The following TBC1D5 variants were observed in gnomAD, a reference collection of about 807,000 sequenced individuals.
TBC1D5 encodes TBC1 domain family member 5.
TBC1D5 carries 75 observed loss-of-function variants against 100.3 expected under a neutral mutation model. The ratio of observed to expected loss-of-function variants is 0.75; its 90% CI spans 0.62 to 0.91. The LOEUF (loss-of-function observed/expected upper bound fraction) is 0.91, where lower values mean the gene tolerates loss of function less well. TBC1D5 is among the 40% of genes least tolerant of loss of function. The pLI is 0.00. For synonymous variants in TBC1D5, 323 were observed against 325.6 expected (o/e 0.99, Z 0.09); for missense variants, 910 against 942.4 (o/e 0.97, Z 0.45).
chr3:17,258,415 G>C, intron 16 of TBC1D5, 91 bp downstream of exon 16: 1 of 1,270,714 alleles, frequency 7.9e-7, no homozygotes, highest in East Asian at 2.3e-5. Context: ...CTAAAATCTG[G>C]AAAATTGTTT....
At chr3:17,648,693 G>T (rs1014682503) in intron 1 of TBC1D5, among the ~76,000 whole-genome samples, 4 of 152,110 alleles carry the variant, frequency 2.6e-5, no homozygotes, top group African/African-American at 7.2e-5. Flanking sequence ...CTTCTCAAAA[G>T]AAGACATACA....
intron 1 of TBC1D5, among the ~76,000 whole-genome samples, chr3:17,726,315 T>C (rs1185938010): frequency 6.6e-6 from 1 of 152,238 alleles, no homozygotes; most frequent in Admixed American, 6.5e-5. Flanking sequence ...CTAAACTAAT[T>C]TACATTCCCA....
chr3:17,521,223 C>T (rs779449175), intron 2 of TBC1D5, among the ~76,000 whole-genome samples: 2 of 152,156 alleles, frequency 1.3e-5, no homozygotes, highest in Non-Finnish European at 2.9e-5. Context: ...CCTTGAACAA[C>T]ATGGGTTTGA....
At position 17,438,430 on chromosome 3, in the gene TBC1D5, G is replaced by T. The variant is rs568938153; in HGVS notation, c.98-9911C>A. 3.3e-5 allele frequency among the ~76,000 whole-genome samples: 5 copies of T among 152,232 alleles called. No individual in the cohort carries two copies. In the East Asian group the frequency reaches 9.6e-4, roughly 29 times the overall value. The stretch of plus-strand genomic sequence containing the variant: ...CCAGGTGGAGATTACTGAATCATGG[G>T]GGTGGTTTTCCCCATCCTCTTCTCA... On this transcript the variant is annotated intron_variant, in intron 3 of 21. Transcript: ENST00000253692.
At chr3:17,591,260 A>AAAAAAAC (rs1576889402) in intron 2 of TBC1D5, among the ~76,000 whole-genome samples, 2 of 116,984 alleles carry the variant, frequency 1.7e-5, no homozygotes, top group Non-Finnish European at 3.6e-5. Flanking sequence ...AAAAAAAAAA[A>AAAAAAAC]AAAAAACAAA....
chr3:17,227,711 G>T (rs1001818212), intron 17 of TBC1D5, among the ~76,000 whole-genome samples: 2 of 151,914 alleles, frequency 1.3e-5, no homozygotes, highest in Non-Finnish European at 2.9e-5. Flanking sequence ...GTGGAGGGTG[G>T]GAGGAGGGAG....
chr3:17,721,007 T>C (rs2075653942), intron 1 of TBC1D5, among the ~76,000 whole-genome samples: 1 of 151,846 alleles, frequency 6.6e-6, no homozygotes, highest in African/African-American at 2.4e-5. Context: ...GCCTGAGTAA[T>C]TTTTGTATTT....
intron 13 of TBC1D5, among the ~76,000 whole-genome samples, chr3:17,332,814 G>C (rs2087058705): frequency 1.3e-5 from 2 of 152,146 alleles, no homozygotes; most frequent in African/African-American, 4.8e-5. Flanking sequence ...AATGAATGTG[G>C]TTAGGTGGAG....
chr3:17,612,903 T>A (rs2061797989), intron 2 of TBC1D5, among the ~76,000 whole-genome samples: 1 of 151,442 alleles, frequency 6.6e-6, no homozygotes, highest in African/African-American at 2.4e-5. Flanking sequence ...TTTTTTTTTT[T>A]TATTAAAGTT....
intron 2 of TBC1D5, among the ~76,000 whole-genome samples, chr3:17,606,723 T>C (rs191804513): frequency 4.9e-4 from 75 of 152,270 alleles, no homozygotes; most frequent in Middle Eastern, 3.4e-3. Flanking sequence ...TCATGGGTTT[T>C]TAAAATTGTT....
chr3:17,452,270 G>A (rs1366839022), intron 3 of TBC1D5, among the ~76,000 whole-genome samples: 1 of 151,856 alleles, frequency 6.6e-6, no homozygotes, highest in Admixed American at 6.6e-5. Flanking sequence ...AAAACAACCA[G>A]AAAACAACAA....
chr3:17,542,060 G>C (rs2096363443), intron 2 of TBC1D5, among the ~76,000 whole-genome samples: 1 of 152,166 alleles, frequency 6.6e-6, no homozygotes, highest in Non-Finnish European at 1.5e-5. Flanking sequence ...GGCCAAAGTG[G>C]CCAGACTGCT....
chr3:17,496,009 T>C lies in TBC1D5; in HGVS notation c.97+12465A>G, dbSNP rs147716258. Among the ~76,000 whole-genome samples, 1,220 of 152,338 alleles carry C rather than the reference T, an allele frequency of 8.0e-3. 10 individuals carry two copies. The highest frequency in any genetic ancestry group is 0.012 in the Non-Finnish European group (826 of 68,026). On this transcript the variant is annotated intron_variant, in intron 3 of 21. Transcript: ENST00000253692. ...TCCATGTACTGGTAAGTACCAAGAATGTTTTAGTTACATTCTTGCAAACTT... is the reference window on the plus strand; with the variant it reads ...TCCATGTACTGGTAAGTACCAAGAACGTTTTAGTTACATTCTTGCAAACTT...
chr3:17,350,118 T>A (rs1287600081), intron 13 of TBC1D5, among the ~76,000 whole-genome samples: 2 of 152,148 alleles, frequency 1.3e-5, no homozygotes, highest in Non-Finnish European at 2.9e-5. Flanking sequence ...CTGAAGCTAA[T>A]CGTACAACTT....
chr3:17,395,473 T>G (rs2093477415), intron 8 of TBC1D5, among the ~76,000 whole-genome samples: 1 of 152,118 alleles, frequency 6.6e-6, no homozygotes, highest in African/African-American at 2.4e-5. Flanking sequence ...GCTGCTTCAA[T>G]TCTAAATCTG....
chr3:17,455,049 A>G (rs1298949762), intron 3 of TBC1D5, among the ~76,000 whole-genome samples: 1 of 151,404 alleles, frequency 6.6e-6, no homozygotes, highest in African/African-American at 2.4e-5. Context: ...TGCATTCGCT[A>G]TCAAAATACC....
At chr3:17,729,353 G>GA (rs148290138) in intron 1 of TBC1D5, among the ~76,000 whole-genome samples, 8,621 of 125,948 alleles carry the variant, frequency 0.068, 496 homozygotes, top group African/African-American at 0.17. Context: ...AAATTTGAGA[G>GA]AAAAAAAAAA....
chr3:17,170,409 TC>T (rs2125201744), intron 19 of TBC1D5, among the ~76,000 whole-genome samples: 1 of 152,150 alleles, frequency 6.6e-6, no homozygotes, highest in Admixed American at 6.5e-5. Context: ...CTAAAGAAAG[TC>T]CCCCTGGAGG....
At position 17,694,920 on chromosome 3, in the gene TBC1D5, A is replaced by G. The variant is rs143835225; in HGVS notation, c.-101+44423T>C. 3.9e-5 allele frequency among the ~76,000 whole-genome samples: 6 copies of G among 152,344 alleles called. No homozygotes were observed. The East Asian group carries it at 9.6e-4, about 24-fold the overall frequency. ...CCTCTCGGCAGAAACCCTACAACCC[A>G]GAAGACAGTGGGGGCCAATATTCAA... On this transcript the variant is annotated intron_variant, in intron 1 of 21. Coordinates refer to ENST00000253692, the Ensembl canonical transcript of TBC1D5.
Sources: gnomAD v4.1 joint callset for allele counts (sites outside exome capture counted in the v4.1 genomes callset) on GRCh38, gnomAD v4.1.1 for gene constraint, MANE v1.5 for transcripts, NCBI Gene and HGNC (gene_info 2026-07-23, HGNC 2026-07-21) for gene names.